Variants in EYA2 observed in about 807,000 individuals in gnomAD.
EYA2 encodes the protein protein phosphatase EYA2.
Under a neutral mutation model 69.2 loss-of-function variants are expected in EYA2, and 31 were observed. That is an observed-to-expected ratio of 0.45 (90% confidence interval 0.34 to 0.60). The LOEUF (loss-of-function observed/expected upper bound fraction) is 0.60, where lower values mean the gene tolerates loss of function less well. Among genes scored for constraint, EYA2 ranks in the 20% least tolerant of loss-of-function variants. The pLI is 0.02. For synonymous variants in EYA2, 257 were observed against 279.4 expected (o/e 0.92, Z 0.80); for missense variants, 622 against 701.2 (o/e 0.89, Z 1.28).
At chr20:47,113,743 C>G (rs1568786479) in intron 9 of EYA2, among the ~76,000 whole-genome samples, 1 of 152,200 alleles carries the variant, frequency 6.6e-6, no homozygotes, top group African/African-American at 2.4e-5. Context: ...CACCAGCACA[C>G]CCCTCCTTAA....
rs576842773 is a variant in EYA2 at position 47,005,951 on chromosome 20, A to G, written c.298+867A>G. Among the ~76,000 whole-genome samples the G allele has an allele frequency of 6.6e-4, 100 of 151,124 alleles. 1 individual carries two copies. The highest frequency in any genetic ancestry group is 2.3e-3 in the African/African-American group (95 of 41,422). On this transcript the variant is annotated intron_variant, in intron 4 of 15. Transcript: ENST00000327619. ...CCCAAGCTAATCAGCTGGAGGAAAC[A>G]GGGGAATTTATTGCCTATGTAGCTG...
intron 15 of EYA2, among the ~76,000 whole-genome samples, chr20:47,184,451 T>A (rs6124966): frequency 7.0e-6 from 1 of 143,736 alleles, no homozygotes; most frequent in Non-Finnish European, 1.5e-5. Flanking sequence ...AGGGTCTCAC[T>A]CTGGCACCTA....
intron 10 of EYA2, among the ~76,000 whole-genome samples, chr20:47,163,982 C>T (rs913485900): frequency 6.6e-6 from 1 of 152,126 alleles, no homozygotes; most frequent in African/African-American, 2.4e-5. Context: ...ACCCTTCCAC[C>T]GTCTCTGCCA....
At chr20:47,117,444 TCTC>T (rs2032930229) in intron 9 of EYA2, 2 of 985,184 alleles carry the variant, frequency 2.0e-6, no homozygotes, top group Non-Finnish European at 2.4e-6. Context: ...CATGACCTGA[TCTC>T]CACAGCTCCT....
intron 5 of EYA2, among the ~76,000 whole-genome samples, chr20:47,028,243 T>C (rs1259948842): frequency 6.6e-6 from 1 of 152,234 alleles, no homozygotes; most frequent in Non-Finnish European, 1.5e-5. Flanking sequence ...TTGGACTTCT[T>C]GGACTCCAGA....
At chr20:47,001,711 AAC>A in intron 3 of EYA2, among the ~76,000 whole-genome samples, 1 of 151,672 alleles carries the variant, frequency 6.6e-6, no homozygotes, top group Non-Finnish European at 1.5e-5. Flanking sequence ...AAGCAGGTAA[AAC>A]ACACTTAGAA....
At chr20:47,116,264 G>A (rs140026851) in intron 9 of EYA2, among the ~76,000 whole-genome samples, 1,854 of 135,212 alleles carry the variant, frequency 0.014, 37 homozygotes, top group African/African-American at 0.048. Flanking sequence ...TGCAACCTCC[G>A]CCTGGCTAGT....
intron 15 of EYA2, among the ~76,000 whole-genome samples, chr20:47,183,873 T>C (rs1190532891): frequency 6.6e-6 from 1 of 152,186 alleles, no homozygotes; most frequent in East Asian, 1.9e-4. Flanking sequence ...GCTGCCAAAG[T>C]CCTGGGTCTG....
At chr20:47,066,410 A>G (rs1044541353) in intron 5 of EYA2, among the ~76,000 whole-genome samples, 2 of 152,106 alleles carry the variant, frequency 1.3e-5, no homozygotes, top group Non-Finnish European at 2.9e-5. Context: ...ATCAACCAAA[A>G]ATGGTAGCAG....
At chr20:47,137,816 A>C (rs1043539548) in intron 9 of EYA2, among the ~76,000 whole-genome samples, 5 of 152,248 alleles carry the variant, frequency 3.3e-5, no homozygotes, top group African/African-American at 2.4e-5. Context: ...GCCATAAAAA[A>C]TGATGGGTTC....
intron 4 of EYA2, among the ~76,000 whole-genome samples, chr20:47,006,032 A>G (rs1036801927): frequency 6.6e-6 from 1 of 152,216 alleles, no homozygotes; most frequent in Non-Finnish European, 1.5e-5. Flanking sequence ...TCAAGGTATA[A>G]TATCAGGACT....
intron 14 of EYA2, among the ~76,000 whole-genome samples, chr20:47,181,173 A>C (rs73913540): frequency 6.6e-6 from 1 of 152,212 alleles, no homozygotes; most frequent in African/African-American, 2.4e-5. Context: ...AGATACAGGC[A>C]AAGCTGCTGT....
At chr20:46,895,401 A>G (rs1983752916) in intron 1 of EYA2, among the ~76,000 whole-genome samples, 2 of 152,222 alleles carry the variant, frequency 1.3e-5, no homozygotes, top group Admixed American at 1.3e-4. Flanking sequence ...GCCCTCAGGT[A>G]GTGTTTATGG....
intron 10 of EYA2, among the ~76,000 whole-genome samples, chr20:47,153,720 T>C (rs1425286701): frequency 1.3e-5 from 2 of 151,518 alleles, no homozygotes. Flanking sequence ...TCCGTGAAGG[T>C]GCGACATGAA....
chr20:47,114,646 C>T (rs906607804), intron 9 of EYA2, among the ~76,000 whole-genome samples: 1 of 152,174 alleles, frequency 6.6e-6, no homozygotes. Flanking sequence ...GCTTTGGCCT[C>T]TATCAAAGAC....
intron 5 of EYA2, among the ~76,000 whole-genome samples, chr20:47,051,367 G>A (rs369172039): frequency 6.6e-6 from 1 of 152,110 alleles, no homozygotes; most frequent in African/African-American, 2.4e-5. Flanking sequence ...TTTTTAGCTG[G>A]GTTAAGTCAA....
intron 10 of EYA2, among the ~76,000 whole-genome samples, chr20:47,154,860 T>TGTGTGTGTGTGTG (rs765107896): frequency 2.0e-5 from 3 of 147,278 alleles, no homozygotes; most frequent in African/African-American, 7.5e-5. Flanking sequence ...TGTGTGTGTG[T>TGTGTGTGTGTGTG]TTTGAGATGG....
At chr20:47,148,058 C>CAAAAAA (rs1264883844) in intron 10 of EYA2, among the ~76,000 whole-genome samples, 1,380 of 82,754 alleles carry the variant, frequency 0.017, 62 homozygotes, top group Middle Eastern at 0.071. Context: ...GACTCTGTCT[C>CAAAAAA]AAAAAAAAAA....
At chr20:47,145,151 A>G (rs1406814615) in intron 10 of EYA2, among the ~76,000 whole-genome samples, 1 of 152,140 alleles carries the variant, frequency 6.6e-6, no homozygotes, top group Admixed American at 6.5e-5. Flanking sequence ...AAGACCATTT[A>G]TGATAATAAA....
Sources: gnomAD v4.1 joint callset for allele counts (sites outside exome capture counted in the v4.1 genomes callset) on GRCh38, gnomAD v4.1.1 for gene constraint, MANE v1.5 for transcripts, NCBI Gene and HGNC (gene_info 2026-07-23, HGNC 2026-07-21) for gene names.